Variants in ADD2 observed in about 807,000 individuals in gnomAD.
The protein encoded by ADD2 is beta-adducin.
A neutral mutation model predicts 83.0 loss-of-function variants in ADD2; 23 were observed. The observed-to-expected ratio is 0.28, with a 90% CI of 0.20 to 0.39. ADD2 has a LOEUF of 0.39. Among genes scored for constraint, ADD2 ranks in the 10% least tolerant of loss-of-function variants. The pLI, the probability that ADD2 is intolerant of heterozygous loss-of-function variation, is 1.00. For missense variants in ADD2, 758 were observed against 944.9 expected (o/e 0.80, Z 2.59); for synonymous variants, 375 against 375.4 (o/e 1.00, Z 0.01).
chr2:70,690,512 A>T (rs13427621), intron 8 of ADD2, among the ~76,000 whole-genome samples: 45,578 of 152,110 alleles, frequency 0.3, 7,129 homozygotes, highest in East Asian at 0.44. Context: ...TTTAATAATT[A>T]AAAATGGTGA....
chr2:70,729,753 A>G (rs782049184), intron 1 of ADD2, among the ~76,000 whole-genome samples: 1 of 152,216 alleles, frequency 6.6e-6, no homozygotes, highest in Non-Finnish European at 1.5e-5. Context: ...CACTTTCTAA[A>G]TACCCCCTTG....
At chr2:70,719,050 G>A (rs1672608302) in intron 1 of ADD2, among the ~76,000 whole-genome samples, 1 of 152,220 alleles carries the variant, frequency 6.6e-6, no homozygotes, top group South Asian at 2.1e-4. Flanking sequence ...AGGCAAGGAA[G>A]AGAGTAGGCA....
In ADD2 at chr2:70,677,828, C is replaced by T. The variant is rs150426440; in HGVS notation, c.1433G>A (p.Arg478His). Reference sequence around the variant, plus strand: ...CACAAATTGGTTTGGGTTTTCGATGCGAATCGGCATGCCACTGCTGGATTT... The same window carrying T: ...CACAAATTGGTTTGGGTTTTCGATGTGAATCGGCATGCCACTGCTGGATTT... Reference protein sequence around the residue: ...VEKSSSGMPIRIENPNQFVPL... With the variant: ...VEKSSSGMPIHIENPNQFVPL... The change falls in exon 12 of 16, where the codon CGC becomes CAC. Residue 478 changes from arginine to histidine, a missense_variant. By Grantham distance (29) the Arg-to-His change is conservative. Around this residue, in one of 5 missense-constraint regions of ADD2, gnomAD observed 394 missense variants for 509.3 expected, o/e 0.77. Coordinates refer to ENST00000264436, the MANE Select transcript of ADD2 (RefSeq NM_001617.4). 40 of 1,614,080 alleles carry T rather than the reference C, an allele frequency of 2.5e-5. No homozygotes were observed. The highest frequency in any genetic ancestry group is 2.8e-5 in the Non-Finnish European group (33 of 1,180,052).
chr2:70,750,485 G>A (rs1303306424), intron 1 of ADD2, among the ~76,000 whole-genome samples: 13 of 152,264 alleles, frequency 8.5e-5, no homozygotes, highest in African/African-American at 3.1e-4. Context: ...TATAAGGAAT[G>A]GGAAGATTTA....
intron 1 of ADD2, among the ~76,000 whole-genome samples, chr2:70,734,379 A>C (rs1483356236): frequency 1.4e-5 from 2 of 145,922 alleles, no homozygotes; most frequent in Admixed American, 6.8e-5. Context: ...GCACACACAC[A>C]TGTTGCTCTA....
At chr2:70,668,510 T>C (rs181037582) in intron 15 of ADD2, among the ~76,000 whole-genome samples, 33 of 152,358 alleles carry the variant, frequency 2.2e-4, no homozygotes, top group Admixed American at 2.0e-3. Flanking sequence ...GAGAGTCTAT[T>C]CATCACCCAA....
intron 1 of ADD2, among the ~76,000 whole-genome samples, chr2:70,726,653 G>A (rs1300327730): frequency 6.6e-6 from 1 of 152,190 alleles, no homozygotes; most frequent in Non-Finnish European, 1.5e-5. Context: ...CAGGACTTTT[G>A]TGTTAATGCT....
At chr2:70,682,508 T>C (rs1159109185) in intron 10 of ADD2, among the ~76,000 whole-genome samples, 1 of 152,196 alleles carries the variant, frequency 6.6e-6, no homozygotes, top group Non-Finnish European at 1.5e-5. Context: ...GTATTAATTA[T>C]TGCCATAACC....
intron 8 of ADD2, 50 bp downstream of exon 8, chr2:70,690,736 G>T: frequency 6.4e-7 from 1 of 1,567,562 alleles, no homozygotes; most frequent in Admixed American, 1.9e-5. Flanking sequence ...TGTGATGTTG[G>T]CTTTTGACAA....
At chr2:70,745,352 GGTT>G (rs1333059134) in intron 1 of ADD2, among the ~76,000 whole-genome samples, 6 of 152,154 alleles carry the variant, frequency 3.9e-5, no homozygotes, top group Admixed American at 2.0e-4. Context: ...CTTGCTGTAG[GGTT>G]GTTGTTGTTG....
intron 1 of ADD2, among the ~76,000 whole-genome samples, chr2:70,730,037 A>G (rs568445731): frequency 1.6e-4 from 25 of 152,272 alleles, no homozygotes; most frequent in Non-Finnish European, 3.2e-4. Context: ...ATAGTTACTT[A>G]AGAGTGCCAT....
intron 15 of ADD2, among the ~76,000 whole-genome samples, chr2:70,670,043 T>C (rs1244649180): frequency 6.6e-6 from 1 of 152,128 alleles, no homozygotes; most frequent in East Asian, 1.9e-4. Flanking sequence ...CAATTAGAAA[T>C]CATCCAGCTA....
chr2:70,761,436 T>G (rs995439249), intron 1 of ADD2, among the ~76,000 whole-genome samples: 1 of 151,528 alleles, frequency 6.6e-6, no homozygotes. Flanking sequence ...TGGTGAAACC[T>G]GGTCTCTACT....
intron 9 of ADD2, among the ~76,000 whole-genome samples, chr2:70,686,714 A>G (rs1450041898): frequency 6.6e-6 from 1 of 152,208 alleles, no homozygotes; most frequent in Non-Finnish European, 1.5e-5. Flanking sequence ...GTCAGTGGTC[A>G]GAGCTTAGGG....
At chr2:70,713,386 G>A (rs1553375819) in intron 1 of ADD2, among the ~76,000 whole-genome samples, 1 of 152,244 alleles carries the variant, frequency 6.6e-6, no homozygotes, top group Non-Finnish European at 1.5e-5. Flanking sequence ...GCCAAGGTGG[G>A]GGGATCACGA....
At position 70,692,664 on chromosome 2, in the gene ADD2, A is replaced by G. The variant is rs1671104943; in HGVS notation, c.556-112T>C. 9 of 1,191,130 alleles carry G rather than the reference A, an allele frequency of 7.6e-6. No homozygotes were observed. In the South Asian group the frequency reaches 8.5e-5, roughly 11 times the overall value. The allele number at this position is 1,191,130 out of a possible 1,614,324, so 73.8% of individuals were successfully genotyped here. A position where few individuals can be genotyped will look rare whatever the true frequency, so the allele number is the denominator to read the frequency against. On this transcript the variant is annotated intron_variant, in intron 6 of 15. Transcript: ENST00000264436. ...GCCCACCTGTCTTCACACATTCCAG[A>G]CACCATGAGCAATGACGGACTTGGT...
chr2:70,710,123 A>AC (rs1553375229), intron 2 of ADD2, among the ~76,000 whole-genome samples: 1 of 152,186 alleles, frequency 6.6e-6, no homozygotes, highest in East Asian at 1.9e-4. Context: ...TATTTTTAAA[A>AC]CAGCAACAAG....
intron 14 of ADD2, chr2:70,673,252 T>C: frequency 6.2e-7 from 1 of 1,614,000 alleles, no homozygotes; most frequent in Non-Finnish European, 8.5e-7. Context: ...AATATGTTAC[T>C]CCAGATGTGG....
At chr2:70,764,462 T>C (rs1675279780) in intron 1 of ADD2, among the ~76,000 whole-genome samples, 1 of 151,764 alleles carries the variant, frequency 6.6e-6, no homozygotes, top group Non-Finnish European at 1.5e-5. Context: ...CTCTCTCCAC[T>C]ATTCCAACTC....
Sources: gnomAD v4.1 joint callset for allele counts (sites outside exome capture counted in the v4.1 genomes callset) on GRCh38, gnomAD v4.1.1 for gene constraint, gnomAD v4.1.1 regional missense constraint, MANE v1.5 for transcripts, NCBI Gene and HGNC (gene_info 2026-07-23, HGNC 2026-07-21) for gene names.